OSBPL6: variants seen among roughly 807,000 people sequenced by gnomAD.
The protein encoded by OSBPL6 is oxysterol-binding protein-related protein 6.
In OSBPL6, 49 loss-of-function variants were observed where a neutral mutation model predicts 125.8. The ratio of observed to expected loss-of-function variants is 0.39; its 90% CI spans 0.31 to 0.49. The LOEUF (loss-of-function observed/expected upper bound fraction) is 0.49. Among genes scored for constraint, OSBPL6 ranks in the 20% least tolerant of loss-of-function variants. The pLI is 0.88. For missense variants in OSBPL6, 986 were observed against 1,135.4 expected (o/e 0.87, Z 1.89); for synonymous variants, 394 against 391.8 (o/e 1.01, Z -0.07).
intron 1 of OSBPL6, among the ~76,000 whole-genome samples, chr2:178,209,702 G>A (rs1410116690): frequency 1.3e-5 from 2 of 151,786 alleles, no homozygotes; most frequent in African/African-American, 4.8e-5. Flanking sequence ...GCACTCAAGT[G>A]GGTCTTTTAA....
intron 1 of OSBPL6, among the ~76,000 whole-genome samples, chr2:178,214,216 GT>G (rs1376769634): frequency 6.6e-6 from 1 of 152,146 alleles, no homozygotes; most frequent in Non-Finnish European, 1.5e-5. Flanking sequence ...TTGAACTTAT[GT>G]TTGAATATGG....
At chr2:178,219,410 T>C (rs2090243274) in intron 1 of OSBPL6, among the ~76,000 whole-genome samples, 2 of 152,196 alleles carry the variant, frequency 1.3e-5, no homozygotes, top group South Asian at 4.1e-4. Flanking sequence ...TCAAAACCTG[T>C]GGTGCTTTAA....
intron 15 of OSBPL6, among the ~76,000 whole-genome samples, chr2:178,378,885 G>C (rs80017561): frequency 0.028 from 4,283 of 152,148 alleles, 264 homozygotes; most frequent in East Asian, 0.24. Flanking sequence ...GAAGAGGAAG[G>C]CCAGGCATGG....
chr2:178,232,575 A>G (rs2090880444), intron 1 of OSBPL6, among the ~76,000 whole-genome samples: 1 of 152,216 alleles, frequency 6.6e-6, no homozygotes, highest in Non-Finnish European at 1.5e-5. Flanking sequence ...GAACACTGTC[A>G]CACTTCACAA....
chr2:178,367,301 G>A (rs1172270998), intron 13 of OSBPL6, among the ~76,000 whole-genome samples: 4 of 152,118 alleles, frequency 2.6e-5, no homozygotes, highest in Non-Finnish European at 4.4e-5. Flanking sequence ...TGGTATTTTT[G>A]TAATTGAAAA....
At chr2:178,282,127 C>G (rs960476532) in intron 1 of OSBPL6, among the ~76,000 whole-genome samples, 18 of 152,134 alleles carry the variant, frequency 1.2e-4, no homozygotes, top group Non-Finnish European at 1.5e-4. Context: ...CTGGAAAGAT[C>G]AGTGAAGGAG....
intron 1 of OSBPL6, among the ~76,000 whole-genome samples, chr2:178,268,966 G>A (rs1173549507): frequency 3.9e-5 from 6 of 152,068 alleles, no homozygotes; most frequent in Admixed American, 1.3e-4. Context: ...CTGCATGATT[G>A]TATGTGCACT....
At chr2:178,271,344 G>A (rs1463927514) in intron 1 of OSBPL6, among the ~76,000 whole-genome samples, 1 of 152,110 alleles carries the variant, frequency 6.6e-6, no homozygotes, top group African/African-American at 2.4e-5. Context: ...AAACCAAATG[G>A]AAATCTAGAT....
chr2:178,300,649 C>G (rs1686191867), intron 2 of OSBPL6, among the ~76,000 whole-genome samples: 1 of 152,158 alleles, frequency 6.6e-6, no homozygotes, highest in Admixed American at 6.5e-5. Flanking sequence ...TTAGTAGAGA[C>G]AGGGTTTCGC....
intron 22 of OSBPL6, 107 bp from the exon 23 acceptor site, chr2:178,392,305 G>A (rs1332043060): frequency 7.8e-7 from 1 of 1,273,892 alleles, no homozygotes; most frequent in Non-Finnish European, 1.1e-6. Context: ...TTGTGTTTAT[G>A]ACTACAAATT....
chr2:178,263,735 G>C (rs555796590), intron 1 of OSBPL6, among the ~76,000 whole-genome samples: 77 of 151,982 alleles, frequency 5.1e-4, no homozygotes, highest in African/African-American at 1.6e-3. Flanking sequence ...GACATGGCAG[G>C]CTCCTGCTTG....
intron 2 of OSBPL6, among the ~76,000 whole-genome samples, chr2:178,294,992 T>C (rs1685617570): frequency 6.6e-6 from 1 of 152,060 alleles, no homozygotes. Flanking sequence ...GGTTTTATCC[T>C]TCAGGTGGAT....
At chr2:178,306,504 G>A (rs1015090481) in intron 3 of OSBPL6, among the ~76,000 whole-genome samples, 5 of 152,170 alleles carry the variant, frequency 3.3e-5, no homozygotes, top group African/African-American at 9.7e-5. Flanking sequence ...GACACAGAAG[G>A]CTGGTAGGGT....
intron 3 of OSBPL6, among the ~76,000 whole-genome samples, chr2:178,312,968 T>A (rs989467625): frequency 1.6e-4 from 24 of 152,072 alleles, no homozygotes; most frequent in African/African-American, 5.8e-4. Context: ...TGATCTCAGC[T>A]CACTGCAACC....
At chr2:178,270,116 C>T (rs2092344076) in intron 1 of OSBPL6, among the ~76,000 whole-genome samples, 1 of 152,138 alleles carries the variant, frequency 6.6e-6, no homozygotes, top group Non-Finnish European at 1.5e-5. Context: ...TGTGATAGGA[C>T]CCCTGCAGCA....
chr2:178,375,401 T>TTTG (rs35703363), intron 15 of OSBPL6, among the ~76,000 whole-genome samples: 2,072 of 152,122 alleles, frequency 0.014, 42 homozygotes, highest in African/African-American at 0.048. Context: ...TCCTTCTTTT[T>TTTG]TTGTTGTTGT....
Position 178,349,396 on chromosome 2 carries a change from A to G in OSBPL6, c.1153+7A>G. The G allele has an allele frequency of 6.2e-7, 1 of 1,613,098 alleles. No homozygotes were observed. The highest frequency in any genetic ancestry group is 8.5e-7 in the Non-Finnish European group (1 of 1,179,376). On this transcript the variant is annotated splice_region_variant and intron_variant, in intron 12 of 24. Coordinates refer to ENST00000190611, the MANE Select transcript of OSBPL6 (RefSeq NM_032523.4). ...TGTCTAATCGCACAGAAAGGTAAGA[A>G]CAAAAATAATGCGCCCTTTAAAGAA...
At chr2:178,223,427 C>T (rs1282145134) in intron 1 of OSBPL6, among the ~76,000 whole-genome samples, 2 of 152,126 alleles carry the variant, frequency 1.3e-5, no homozygotes, top group Non-Finnish European at 2.9e-5. Flanking sequence ...ATATTTTCCC[C>T]CACTGGATTC....
In OSBPL6 at chr2:178,382,441, A is replaced by G; in HGVS notation, c.1555A>G (p.Ile519Val). 6.2e-6 allele frequency: 10 copies of G among 1,613,194 alleles called. No individual in the cohort carries two copies. Among genetic ancestry groups the G allele is most frequent in the East Asian group, 2.2e-5 (1 of 44,862 alleles). Residue 519 changes from isoleucine (I) to valine (V), a missense_variant, in exon 16 of 25, where the codon ATC becomes GTC. This residue lies in a region of OSBPL6 where 843 missense variants were observed against 997.3 expected (regional missense o/e 0.85). Transcript: ENST00000190611. ...ENEASDDESY[I>V]SDVSDNISED... Reference sequence around the variant, plus strand: ...TTAGGCTTCAGATGATGAGTCTTACATCAGTGATGTGAGTGATAATATATC... The same window carrying G: ...TTAGGCTTCAGATGATGAGTCTTACGTCAGTGATGTGAGTGATAATATATC...
Sources: gnomAD v4.1 joint callset for allele counts (sites outside exome capture counted in the v4.1 genomes callset) on GRCh38, gnomAD v4.1.1 for gene constraint, gnomAD v4.1.1 regional missense constraint, MANE v1.5 for transcripts, NCBI Gene and HGNC (gene_info 2026-07-23, HGNC 2026-07-21) for gene names.